AFTPH: variants seen among roughly 807,000 people sequenced by gnomAD.
The protein encoded by AFTPH is aftiphilin protein.
In AFTPH, 7 loss-of-function variants were observed where a neutral mutation model predicts 72.5. The ratio of observed to expected loss-of-function variants is 0.10; its 90% CI spans 0.05 to 0.18. The LOEUF (loss-of-function observed/expected upper bound fraction) is 0.18. Among genes scored for constraint, AFTPH ranks in the 10% least tolerant of loss-of-function variants. The pLI is 1.00. For missense variants in AFTPH, 979 were observed against 1,060.5 expected (o/e 0.92, Z 1.07); for synonymous variants, 337 against 370.1 (o/e 0.91, Z 1.03).
At chr2:64,578,484 C>T (rs563475031) in intron 6 of AFTPH, among the ~76,000 whole-genome samples, 1 of 152,096 alleles carries the variant, frequency 6.6e-6, no homozygotes, top group East Asian at 1.9e-4. Context: ...TTTGCACTGC[C>T]TTCCATCTTA....
chr2:64,570,916 C>T (rs1425396458), intron 5 of AFTPH, among the ~76,000 whole-genome samples: 1 of 11,180 alleles, frequency 8.9e-5, no homozygotes, highest in Non-Finnish European at 1.3e-4. Flanking sequence ...TTCCTCCCCT[C>T]CCCCCCCCCC....
At position 64,555,555 on chromosome 2, in the gene AFTPH, T is replaced by TCTCA. The variant is rs1188984989; in HGVS notation, c.1935+2147_1935+2148insTCAC. On this transcript the variant is annotated intron_variant, in intron 2 of 8. Coordinates refer to ENST00000238856, the Ensembl canonical transcript of AFTPH. ...CAGGCTAGGCTACAGAGAGAGACTG[T>TCTCA]CACACACACACACACACACACACAC... Among the ~76,000 whole-genome samples, 612 of 140,866 alleles carry TCTCA rather than the reference T, an allele frequency of 4.3e-3. 5 individuals are homozygous for TCTCA. The highest frequency in any genetic ancestry group is 0.015 in the African/African-American group (553 of 37,904). The allele number at this position is 140,866 out of a possible 152,430, so 92.4% of individuals were successfully genotyped here. A position where few individuals can be genotyped will look rare whatever the true frequency, so the allele number is the denominator to read the frequency against.
At chr2:64,560,939 C>G (rs1671697744) in intron 2 of AFTPH, among the ~76,000 whole-genome samples, 1 of 152,180 alleles carries the variant, frequency 6.6e-6, no homozygotes, top group Non-Finnish European at 1.5e-5. Context: ...CCCCCTAGTT[C>G]TGGCTCTTGT....
chr2:64,585,921 TG>T (rs1573048983), intron 8 of AFTPH, among the ~76,000 whole-genome samples: 1 of 152,260 alleles, frequency 6.6e-6, no homozygotes, highest in East Asian at 1.9e-4. Flanking sequence ...TTTGTAATCC[TG>T]GAGTCACCTA....
At chr2:64,555,793 T>C (rs1671322944) in intron 2 of AFTPH, among the ~76,000 whole-genome samples, 1 of 152,136 alleles carries the variant, frequency 6.6e-6, no homozygotes, top group Admixed American at 6.5e-5. Context: ...TGGAGAAAGA[T>C]TGAACAAAGA....
intron 1 of AFTPH, among the ~76,000 whole-genome samples, chr2:64,526,853 C>G (rs1319174205): frequency 3.3e-5 from 5 of 152,210 alleles, no homozygotes; most frequent in Non-Finnish European, 7.3e-5. Context: ...ATCCACACAA[C>G]AACCTGTAAG....
Position 64,553,968 on chromosome 2 carries a change from G to GA in AFTPH, c.1935+565dup, listed in dbSNP as rs369242986. ...GAATTGAAGAACAGAAAAACAACTA[G>GA]AAAAAAGCAAGTTTTTCTTTTTCCT... is the stretch of plus-strand genomic sequence containing the variant. On this transcript the variant is annotated intron_variant, in intron 2 of 8. Coordinates refer to ENST00000238856, the Ensembl canonical transcript of AFTPH. Among the ~76,000 whole-genome samples, 300 of 152,094 alleles carry GA rather than the reference G, an allele frequency of 2.0e-3. 3 individuals carry two copies. The highest frequency in any genetic ancestry group is 6.6e-3 in the African/African-American group (275 of 41,514).
chr2:64,550,673 G>A (rs1348522746), intron 1 of AFTPH, among the ~76,000 whole-genome samples: 5 of 99,652 alleles, frequency 5.0e-5, no homozygotes, highest in Non-Finnish European at 4.1e-5. Context: ...AGAACTGTAC[G>A]CATGCACACA....
At chr2:64,569,256 C>G (rs760322292) in intron 4 of AFTPH, 38 bp downstream of exon 4, 1 of 1,573,894 alleles carries the variant, frequency 6.4e-7, no homozygotes, top group Non-Finnish European at 8.6e-7. Flanking sequence ...TTTTAATCAA[C>G]CTGTGGATGT....
chr2:64,586,067 A>G (rs1175364751), intron 8 of AFTPH, among the ~76,000 whole-genome samples: 1 of 152,172 alleles, frequency 6.6e-6, no homozygotes, highest in African/African-American at 2.4e-5. Context: ...TTGAAGAGCA[A>G]TTACCATCTC....
intron 2 of AFTPH, among the ~76,000 whole-genome samples, chr2:64,564,583 C>T (rs550103264): frequency 1.5e-3 from 234 of 151,832 alleles, no homozygotes; most frequent in African/African-American, 5.5e-3. Flanking sequence ...CACTGCACTC[C>T]AGCCTCGGTG....
rs143886625 is a variant in AFTPH at position 64,560,718 on chromosome 2, C to T, written c.1936-6844C>T. ...TGAAACCCCATCTCTACTAAAACTA[C>T]AAAAGTTAGCTAGGCATGGTGGTGT... is the stretch of plus-strand genomic sequence containing the variant. On this transcript the variant is annotated intron_variant, in intron 2 of 8. Coordinates refer to ENST00000238856, the Ensembl canonical transcript of AFTPH. 9.6e-4 allele frequency among the ~76,000 whole-genome samples: 146 copies of T among 152,154 alleles called. 5 individuals are homozygous for T. The East Asian group carries it at 0.015, about 16-fold the overall frequency.
intron 2 of AFTPH, among the ~76,000 whole-genome samples, chr2:64,564,381 G>A (rs180789636): frequency 3.3e-4 from 50 of 152,068 alleles, no homozygotes; most frequent in African/African-American, 1.1e-3. Flanking sequence ...TGACACCCTC[G>A]GTGCCAAATA....
intron 1 of AFTPH, among the ~76,000 whole-genome samples, chr2:64,537,439 ATTAAAAATT>A (rs574962083): frequency 6.6e-6 from 1 of 152,354 alleles, no homozygotes; most frequent in Non-Finnish European, 1.5e-5. Context: ...AGTTTAAAAA[ATTAAAAATT>A]TTAAAAAGAA....
chr2:64,540,810 A>G (rs558774699), intron 1 of AFTPH, among the ~76,000 whole-genome samples: 2 of 152,082 alleles, frequency 1.3e-5, no homozygotes, highest in East Asian at 1.9e-4. Flanking sequence ...ATTTTGTACT[A>G]TATACACTAA....
At chr2:64,584,216 T>C (rs1260390897) in intron 7 of AFTPH, among the ~76,000 whole-genome samples, 1 of 152,092 alleles carries the variant, frequency 6.6e-6, no homozygotes, top group East Asian at 1.9e-4. Flanking sequence ...TTATTCAAAG[T>C]GTAACTTAAG....
At chr2:64,528,501 T>A (rs1669418771) in intron 1 of AFTPH, among the ~76,000 whole-genome samples, 1 of 152,158 alleles carries the variant, frequency 6.6e-6, no homozygotes. Flanking sequence ...TGGCAGATGA[T>A]GTTAAGTATC....
At chr2:64,534,419 C>T (rs13408046) in intron 1 of AFTPH, among the ~76,000 whole-genome samples, 18,379 of 152,028 alleles carry the variant, frequency 0.12, 3,129 homozygotes, top group African/African-American at 0.37. Context: ...TTCATATTTT[C>T]TCTCGCCTGA....
chr2:64,578,138 G>C lies in AFTPH; in HGVS notation c.2395-1348G>C, dbSNP rs890382766. Among the ~76,000 whole-genome samples the C allele has an allele frequency of 2.6e-5, 4 of 152,140 alleles. No homozygotes were observed. The East Asian group carries it at 7.7e-4, about 29-fold the overall frequency. ...ACTAAATACTTAAATTAATTTGCCT[G>C]TCATTGGTATCCCAGTTATCCAGAC... is the stretch of plus-strand genomic sequence containing the variant. On this transcript the variant is annotated intron_variant, in intron 6 of 8. Coordinates refer to ENST00000238856, the Ensembl canonical transcript of AFTPH.
Sources: gnomAD v4.1 joint callset for allele counts (sites outside exome capture counted in the v4.1 genomes callset) on GRCh38, gnomAD v4.1.1 for gene constraint, MANE v1.5 for transcripts, NCBI Gene and HGNC (gene_info 2026-07-23, HGNC 2026-07-21) for gene names.